COX15: variants seen among roughly 807,000 people sequenced by gnomAD.
The protein encoded by COX15 is cytochrome c oxidase assembly factor COX15, also known as heme A synthase COX15.
COX15 carries 51 observed loss-of-function variants against 51.9 expected under a neutral mutation model. The observed-to-expected ratio is 0.98, with a 90% CI of 0.78 to 1.24. COX15 has a LOEUF of 1.24. COX15 is among the 50% of genes most tolerant of loss of function. The pLI, the probability that COX15 is intolerant of heterozygous loss-of-function variation, is 0.00. For missense variants in COX15, 420 were observed against 501.1 expected (o/e 0.84, Z 1.55); for synonymous variants, 188 against 190.5 (o/e 0.99, Z 0.11).
intron 1 of COX15, among the ~76,000 whole-genome samples, chr10:99,730,622 G>A (rs959129663): frequency 2.6e-5 from 4 of 151,714 alleles, no homozygotes; most frequent in Non-Finnish European, 4.4e-5. Flanking sequence ...AGATGGTATC[G>A]CCTACTACAC....
At chr10:99,715,665 A>C (rs940954445) in intron 8 of COX15, among the ~76,000 whole-genome samples, 1 of 151,932 alleles carries the variant, frequency 6.6e-6, no homozygotes, top group East Asian at 1.9e-4. Context: ...AGATATTGCC[A>C]AATTGCCTTC....
intron 5 of COX15, 128 bp from the exon 6 acceptor site, chr10:99,721,196 A>C: frequency 4.2e-6 from 3 of 722,096 alleles, no homozygotes; most frequent in Non-Finnish European, 7.5e-6. Context: ...GACTAGGTTA[A>C]GTACTCCTGG....
At chr10:99,704,613 C>T in the COX15 span, 1 of 1,614,190 alleles carries the variant, frequency 6.2e-7, no homozygotes, top group Non-Finnish European at 8.5e-7. Context: ...CAAACACGAG[C>T]CTCAGCTCCA....
At chr10:99,697,784 G>C in the COX15 span, 2 of 159,420 alleles carry the variant, frequency 1.3e-5, no homozygotes, top group Admixed American at 6.3e-5. Flanking sequence ...TTCAACATCT[G>C]TCTGTTTAGG....
At position 99,729,560 on chromosome 10, in the gene COX15, C is replaced by T; in HGVS notation, c.265G>A (p.Val89Ile). Residue 89 changes from valine to isoleucine, a missense_variant, in exon 2 of 9, where the codon GTA (valine) becomes ATA (isoleucine). By Grantham distance (29) the Val-to-Ile change is conservative. Transcript: ENST00000016171. The part of the protein sequence containing the change: ...TVAGAVILGG[V>I]TRLTESGLSM... The stretch of plus-strand genomic sequence containing the variant: ...TACGAGCAAATTACTTACCTAGTTA[C>T]TCCACCAAGAATAACTGCTCCAGCC... The T allele has an allele frequency of 1.2e-6, 2 of 1,613,242 alleles. No homozygotes were observed. The highest frequency in any genetic ancestry group is 1.7e-6 in the Non-Finnish European group (2 of 1,179,894).
chr10:99,728,357 A>G (rs2037029186), intron 2 of COX15, among the ~76,000 whole-genome samples: 1 of 152,228 alleles, frequency 6.6e-6, no homozygotes, highest in South Asian at 2.1e-4. Flanking sequence ...TGATCTCATA[A>G]TGAGCCTTAA....
chr10:99,727,086 C>T lies in COX15; in HGVS notation c.464G>A (p.Trp155Ter), dbSNP rs2036981741. ...IWYMEYSHRM[W>*]GRLVGLVYIL... ...GTACACAAGGCCTACAAGGCGACCC[C>T]ACATTCGGTGTGAGTACTCCATGTA... Residue 155 changes from tryptophan (W) to a stop codon, truncating the protein, a stop_gained, in exon 4 of 9, where the codon TGG becomes TAG. Transcript: ENST00000016171. LOFTEE classifies it high-confidence loss of function. 1 of 1,614,170 alleles carries T rather than the reference C, an allele frequency of 6.2e-7. No individual in the cohort carries two copies. Among genetic ancestry groups the T allele is most frequent in the Non-Finnish European group, 8.5e-7 (1 of 1,180,040 alleles).
chr10:99,698,969 C>A, the COX15 span: 1 of 1,008,462 alleles, frequency 9.9e-7, no homozygotes, highest in Non-Finnish European at 1.4e-6. Flanking sequence ...CTCACTTGTT[C>A]TTTGCAGGAG....
chr10:99,722,852 A>C (rs1288620993), intron 5 of COX15: 2 of 152,138 alleles, frequency 1.3e-5, no homozygotes, highest in Non-Finnish European at 2.9e-5. Context: ...AAATAAATAC[A>C]TAAGTAAATA....
rs567898403 is a variant in COX15 at position 99,721,863 on chromosome 10, A to C, written c.751-795T>G. Among the ~76,000 whole-genome samples the C allele has an allele frequency of 3.8e-4, 58 of 152,166 alleles. 1 individual carries two copies. Among genetic ancestry groups the C allele is most frequent in the African/African-American group, 1.2e-3 (50 of 41,552 alleles). ...AATAAACAAAAAGCTTATGTAAATAAATTTTATTTAATTAAAAAAATTTTT... is the reference window on the plus strand; with the variant it reads ...AATAAACAAAAAGCTTATGTAAATACATTTTATTTAATTAAAAAAATTTTT... On this transcript the variant is annotated intron_variant, in intron 5 of 8. Transcript: ENST00000016171.
At chr10:99,702,847 A>G in the COX15 span, among the ~76,000 whole-genome samples, 1 of 152,000 alleles carries the variant, frequency 6.6e-6, no homozygotes, top group African/African-American at 2.4e-5. Context: ...CACTGTTACT[A>G]CCAGGCATGC....
In COX15 at chr10:99,713,650, G is replaced by C. The variant is rs2036469745; in HGVS notation, c.*937C>G. ...TACTGTCGATTCCATTCCTCTCTCT[G>C]ACCTTGTAATGTTAACAGCCTTATC... On this transcript the variant is annotated 3_prime_UTR_variant, in exon 9 of 9. Coordinates refer to ENST00000016171, the MANE Select transcript of COX15 (RefSeq NM_078470.6). 1.0e-6 allele frequency: 1 copy of C among 983,406 alleles called. No individual in the cohort carries two copies. The highest frequency in any genetic ancestry group is 1.6e-5 in the African/African-American group (1 of 61,872). 60.9% of individuals were successfully genotyped at this position (983,406 alleles called of 1,614,324 possible). A position where few individuals can be genotyped will look rare whatever the true frequency, so the allele number is the denominator to read the frequency against.
chr10:99,705,427 CA>C, the COX15 span: 1 of 152,352 alleles, frequency 6.6e-6, no homozygotes, highest in African/African-American at 2.4e-5. Context: ...GCTGTTTGGG[CA>C]TTAATTTTGC....
chr10:99,721,309 T>A (rs1384399684), intron 5 of COX15, among the ~76,000 whole-genome samples: 1 of 152,242 alleles, frequency 6.6e-6, no homozygotes, highest in Non-Finnish European at 1.5e-5. Context: ...AACTGCCATC[T>A]TTTTTACTAG....
the COX15 span, chr10:99,697,305 T>A: frequency 6.5e-6 from 1 of 153,118 alleles, no homozygotes; most frequent in Admixed American, 6.5e-5. Flanking sequence ...AGATGTCTCC[T>A]GCAGGCACCA....
chr10:99,698,038 T>G, the COX15 span: 1 of 164,556 alleles, frequency 6.1e-6, no homozygotes, highest in Admixed American at 5.7e-5. Context: ...GTGCCTGTTC[T>G]GTTCCAGCAC....
At chr10:99,696,533 G>A in the COX15 span, among the ~76,000 whole-genome samples, 4 of 152,174 alleles carry the variant, frequency 2.6e-5, no homozygotes, top group African/African-American at 9.7e-5. Flanking sequence ...GTTCAGTTCT[G>A]TAGTATGTCT....
At chr10:99,702,687 G>T in the COX15 span, 1 of 1,594,336 alleles carries the variant, frequency 6.3e-7, no homozygotes, top group South Asian at 1.1e-5. Context: ...AAGTAAGACT[G>T]ACCAATCTGG....
intron 8 of COX15, 33 bp downstream of exon 8, chr10:99,716,315 G>T: frequency 6.9e-7 from 1 of 1,453,344 alleles, no homozygotes; most frequent in South Asian, 1.1e-5. Flanking sequence ...TTGTATTGGG[G>T]ATACTGTCAG....
Sources: allele counts gnomAD v4.1 joint callset (sites outside exome capture counted in the v4.1 genomes callset), GRCh38; gene constraint gnomAD v4.1.1; transcripts MANE v1.5; gene names NCBI Gene and HGNC (gene_info 2026-07-23, HGNC 2026-07-21).